PMM1: variants seen among roughly 807,000 people sequenced by gnomAD.
The protein encoded by PMM1 is phosphomannomutase 1.
A neutral mutation model predicts 34.0 loss-of-function variants in PMM1; 25 were observed. That is an observed-to-expected ratio of 0.73 (90% CI 0.54 to 1.03). The LOEUF is 1.03. Ranked by LOEUF, PMM1 falls within the 50% of genes least tolerant of loss-of-function variation. The probability of loss-of-function intolerance (pLI) is 0.00; values close to 1 mark genes in which losing one functional copy is unlikely to be tolerated. For synonymous variants in PMM1, 134 were observed against 143.9 expected, an observed-to-expected ratio of 0.93 and a Z score of 0.49; for missense variants, 321 against 350.1, an observed-to-expected ratio of 0.92 and a Z score of 0.66.
Position 41,589,665 on chromosome 22 carries a change from C to T in PMM1, c.87+54G>A, listed in dbSNP as rs988867568. The T allele has an allele frequency of 5.5e-6, 8 of 1,465,254 alleles. No individual in the cohort carries two copies. In the South Asian group the frequency reaches 7.1e-5, roughly 13 times the overall value. The allele number at this position is 1,465,254 out of a possible 1,614,324, so 90.8% of individuals were successfully genotyped here. On this transcript the variant is annotated intron_variant, in intron 1 of 7. Transcript: ENST00000216259. ...CTGCTGCAGACCCCACACTCAGCCT[C>T]GGGGGTGTCCGCGTGACACTCCCGG...
chr22:41,584,775 T>A, intron 2 of PMM1, 172 bp from the exon 3 acceptor site: 1 of 582,924 alleles, frequency 1.7e-6, no homozygotes, highest in East Asian at 2.8e-5. Flanking sequence ...TGCAGCTTGG[T>A]TTTCTTCCAA....
rs569854418 is a variant in PMM1, at chr22:41,577,136, G to C, written c.*182C>G. The C allele has an allele frequency of 1.3e-5, 10 of 767,962 alleles. No homozygotes were observed. In the Admixed American group the frequency reaches 2.2e-4, roughly 17 times the overall value. The allele number at this position is 767,962 out of a possible 1,614,324, so 47.6% of individuals were successfully genotyped here. On this transcript the variant is annotated 3_prime_UTR_variant, in exon 8 of 8. Coordinates refer to ENST00000216259, the MANE Select transcript of PMM1 (RefSeq NM_002676.3). ...TCTGGGCCCTGGGAGGACGAAGCCAGTGCCACTAGGAGCAGACTGGCTGGG... is the reference window on the plus strand; with the variant it reads ...TCTGGGCCCTGGGAGGACGAAGCCACTGCCACTAGGAGCAGACTGGCTGGG...
At chr22:41,579,307 T>C in intron 5 of PMM1, 1 of 187,002 alleles carries the variant, frequency 5.3e-6, no homozygotes, top group South Asian at 1.1e-4. Flanking sequence ...AGGAGGTGGC[T>C]GTGGGCATTC....
chr22:41,587,495 T>C (rs1360557479), intron 1 of PMM1, among the ~76,000 whole-genome samples: 1 of 148,600 alleles, frequency 6.7e-6, no homozygotes, highest in Non-Finnish European at 1.5e-5. Context: ...TTGCCTGTAG[T>C]CCCAGCTACC....
At chr22:41,581,129 A>C (rs1237220172) in intron 5 of PMM1, among the ~76,000 whole-genome samples, 4 of 150,582 alleles carry the variant, frequency 2.7e-5, no homozygotes, top group South Asian at 2.1e-4. Context: ...AAAAAAAAAA[A>C]AAAAAACCCA....
chr22:41,589,094 T>C (rs1266575634), intron 1 of PMM1: 1 of 1,303,968 alleles, frequency 7.7e-7, no homozygotes, highest in Admixed American at 2.3e-5. Context: ...AGGCTAGGCC[T>C]GGAGCCTCTC....
chr22:41,578,896 G>A lies in PMM1; in HGVS notation c.475-15C>T, dbSNP rs191113639. The A allele has an allele frequency of 2.9e-5, 47 of 1,612,662 alleles. No individual in the cohort carries two copies. The South Asian group carries it at 3.6e-4, about 12-fold the overall frequency. ...ATCTTCTCTTTCTGCAGAGGGGAGG[G>A]AGCGGATGGCAGCTCAGAGGACCTG... On this transcript the variant is annotated splice_polypyrimidine_tract_variant and intron_variant, in intron 5 of 7. Transcript: ENST00000216259.
chr22:41,589,807 G>C lies in PMM1; in HGVS notation c.-2C>G. The C allele has an allele frequency of 6.2e-7, 1 of 1,604,078 alleles. No individual in the cohort carries two copies. The highest frequency in any genetic ancestry group is 8.5e-7 in the Non-Finnish European group (1 of 1,176,594). On this transcript the variant is annotated 5_prime_UTR_variant, in exon 1 of 8. Transcript: ENST00000216259. ...GGCTGCCTGGGCGGTGACTGCCATG[G>C]CTGCAGGTCCGCGCGCGGGGCGGAG... is the stretch of plus-strand genomic sequence containing the variant.
chr22:41,589,542 G>GAGGGCCAGGTCCACCGGGA (rs2067355837), intron 1 of PMM1, 177 bp downstream of exon 1: 1 of 612,468 alleles, frequency 1.6e-6, no homozygotes, highest in East Asian at 2.7e-5. Context: ...TCAGTGACGT[G>GAGGGCCAGGTCCACCGGGA]AGGGCCAGGT....
intron 3 of PMM1, 22 bp downstream of exon 3, chr22:41,584,505 C>A (rs5758396): frequency 2.5e-6 from 4 of 1,604,068 alleles, no homozygotes; most frequent in Non-Finnish European, 3.4e-6. Context: ...GTGCCCCTGG[C>A]TAAGCCCTGG....
At chr22:41,581,064 G>A (rs1368828987) in intron 5 of PMM1, among the ~76,000 whole-genome samples, 2 of 131,898 alleles carry the variant, frequency 1.5e-5, no homozygotes, top group Non-Finnish European at 3.1e-5. Context: ...GCAGCGAGCC[G>A]AGATCTCACC....
In PMM1 at chr22:41,584,006, G is replaced by A. The variant is rs1384807513; in HGVS notation, c.427C>T (p.Arg143Trp). ...ATCCTCTCCTCCAGGGTGCAGCTCC[G>A]GCCGATGGGCGAGATGTTCAGCATG... ...NGMLNISPIG[R>W]SCTLEERIEF... The change falls in exon 5 of 8, where the codon CGG (arginine) becomes TGG (tryptophan). Residue 143 changes from arginine to tryptophan, a missense_variant. Coordinates refer to ENST00000216259, the MANE Select transcript of PMM1 (RefSeq NM_002676.3). 6 of 1,613,960 alleles carry A rather than the reference G, an allele frequency of 3.7e-6. No individual in the cohort carries two copies. Among genetic ancestry groups the A allele is most frequent in the East Asian group, 2.2e-5 (1 of 44,876 alleles).
At position 41,589,797 on chromosome 22, in the gene PMM1, G is replaced by A. The variant is rs151061108; in HGVS notation, c.9C>T (p.Val3=). The part of the protein sequence containing the change: MA[V]TAQAARRKER... ...CCTTCCTGCGGGCTGCCTGGGCGGT[G>A]ACTGCCATGGCTGCAGGTCCGCGCG... The change falls in exon 1 of 8, where the codon GTC becomes GTT. Residue 3 remains valine (V), a synonymous_variant. Transcript: ENST00000216259. 1,097 of 1,606,636 alleles carry A rather than the reference G, an allele frequency of 6.8e-4. 5 individuals carry two copies. In the African/African-American group the frequency reaches 9.3e-3, roughly 14 times the overall value.
intron 1 of PMM1, chr22:41,589,081 A>G (rs1345133045): frequency 1.5e-6 from 2 of 1,303,908 alleles, no homozygotes; most frequent in Non-Finnish European, 2.0e-6. Flanking sequence ...CCTCACAGCA[A>G]ACAGGCTAGG....
chr22:41,581,849 A>G lies in PMM1; in HGVS notation c.474+2110T>C, dbSNP rs148668617. Among the ~76,000 whole-genome samples the G allele has an allele frequency of 7.9e-4, 121 of 152,222 alleles. 2 individuals carry two copies. The East Asian group carries it at 0.022, about 28-fold the overall frequency. On this transcript the variant is annotated intron_variant, in intron 5 of 7. Transcript: ENST00000216259. ...TAAAAATACAAAAAATTAGCTGGGC[A>G]TTGTGGTGCATGTAATCCTAGCTAC...
chr22:41,589,486 C>G (rs1775616379), intron 1 of PMM1: 1 of 590,718 alleles, frequency 1.7e-6, no homozygotes. Flanking sequence ...GTACTGGATC[C>G]AACCCCAGCA....
chr22:41,577,196 G>A lies in PMM1; in HGVS notation c.*122C>T. 7.5e-7 allele frequency: 1 copy of A among 1,340,744 alleles called. No individual in the cohort carries two copies. The highest frequency in any genetic ancestry group is 1.1e-6 in the Non-Finnish European group (1 of 948,396). 83.1% of individuals were successfully genotyped at this position (1,340,744 alleles called of 1,614,324 possible). On this transcript the variant is annotated 3_prime_UTR_variant, in exon 8 of 8. Transcript: ENST00000216259. Reference sequence around the variant, plus strand: ...CCACACAGACTCTGGCCCCATCTGGGTGGGCTTGCAGCAGGCGTCCTGGGC... The same window carrying A: ...CCACACAGACTCTGGCCCCATCTGGATGGGCTTGCAGCAGGCGTCCTGGGC...
chr22:41,589,526 G>A, intron 1 of PMM1, 193 bp downstream of exon 1: 1 of 604,486 alleles, frequency 1.7e-6, no homozygotes, highest in East Asian at 2.8e-5. Context: ...CAAGGACGCT[G>A]CGGGGTCAGT....
intron 7 of PMM1, 115 bp downstream of exon 7, chr22:41,577,693 T>C: frequency 1.2e-6 from 1 of 806,468 alleles, no homozygotes; most frequent in Non-Finnish European, 2.1e-6. Flanking sequence ...AAGAGGTCTG[T>C]TGTGTTGCCC....
Sources: gnomAD v4.1 joint callset for allele counts (sites outside exome capture counted in the v4.1 genomes callset) on GRCh38, gnomAD v4.1.1 for gene constraint, MANE v1.5 for transcripts, NCBI Gene and HGNC (gene_info 2026-07-23, HGNC 2026-07-21) for gene names.